Variants in PDZD8 observed in about 807,000 individuals in gnomAD.
PDZD8 encodes the protein PDZ domain-containing protein 8.
PDZD8 carries 14 observed loss-of-function variants against 85.8 expected under a neutral mutation model. The observed-to-expected ratio is 0.16, with a 90% CI of 0.11 to 0.26. The LOEUF is 0.26. PDZD8 is among the 10% of genes least tolerant of loss of function. The probability of loss-of-function intolerance (pLI) is 1.00; values close to 1 mark genes in which losing one functional copy is unlikely to be tolerated. For synonymous variants in PDZD8, 592 were observed against 568.6 expected (o/e 1.04, Z -0.59); for missense variants, 1,197 against 1,424.3 (o/e 0.84, Z 2.57).
At chr10:117,337,973 T>C (rs1844546783) in intron 2 of PDZD8, among the ~76,000 whole-genome samples, 1 of 152,196 alleles carries the variant, frequency 6.6e-6, no homozygotes, top group Admixed American at 6.5e-5. Flanking sequence ...CTAGTGCCTC[T>C]TTTTGCTTCA....
At chr10:117,350,516 G>A (rs1342994889) in intron 1 of PDZD8, among the ~76,000 whole-genome samples, 3 of 150,538 alleles carry the variant, frequency 2.0e-5, no homozygotes, top group African/African-American at 4.9e-5. Context: ...CACCTGCTTC[G>A]GCCTCCCAAA....
rs1370456091 is a variant in PDZD8, at chr10:117,281,654, T to C, written c.*1614A>G. On this transcript the variant is annotated 3_prime_UTR_variant, in exon 5 of 5. Coordinates refer to ENST00000334464, the MANE Select transcript of PDZD8 (RefSeq NM_173791.5). Reference sequence around the variant, plus strand: ...GCTATTGTTTCCCTCACAACAATACTGTGAGGGAGGTAAAGTATTATTATT... The same window carrying C: ...GCTATTGTTTCCCTCACAACAATACCGTGAGGGAGGTAAAGTATTATTATT... 1 of 152,198 alleles carries C rather than the reference T, an allele frequency of 6.6e-6. No individual in the cohort carries two copies. Among genetic ancestry groups the C allele is most frequent in the Non-Finnish European group, 1.5e-5 (1 of 68,036 alleles). The allele number at this position is 152,198 out of a possible 1,614,324, so 9.4% of individuals were successfully genotyped here.
chr10:117,330,842 C>T (rs560818270), intron 2 of PDZD8, among the ~76,000 whole-genome samples: 38 of 152,346 alleles, frequency 2.5e-4, no homozygotes, highest in African/African-American at 8.7e-4. Context: ...GAGACATCTA[C>T]ACTTCATTCA....
At chr10:117,371,342 G>A (rs1453647392) in intron 1 of PDZD8, among the ~76,000 whole-genome samples, 1 of 151,936 alleles carries the variant, frequency 6.6e-6, no homozygotes, top group Non-Finnish European at 1.5e-5. Flanking sequence ...CCGCCACCAC[G>A]CCCAGCTAAT....
In PDZD8 at chr10:117,374,992, G is replaced by T; in HGVS notation, c.236C>A (p.Thr79Asn). The T allele has an allele frequency of 6.3e-7, 1 of 1,593,186 alleles. No homozygotes were observed. Among genetic ancestry groups the T allele is most frequent in the Admixed American group, 1.7e-5 (1 of 57,254 alleles). The change falls in exon 1 of 5, where the codon ACC becomes AAC. Residue 79 changes from threonine (T) to asparagine (N), a missense_variant. Physicochemically the swap from Thr to Asn is moderately conservative, Grantham distance 65. Coordinates refer to ENST00000334464, the MANE Select transcript of PDZD8 (RefSeq NM_173791.5). This position sits in a 1 kb window ranked among gnomAD's most constrained non-coding sequence, Gnocchi z 7.8. ...GGGGGTCTCGGGGGCCGCGGTGGGG[G>T]TCGCGCCGCCCTCAGGGGCCGCTCC... ...PSGAAPEGGATPTAAPETPAP... is the reference protein window; with the variant it reads ...PSGAAPEGGANPTAAPETPAP...
rs1488395175 is a variant in PDZD8 at position 117,340,958 on chromosome 10, AAT to A, written c.995+20_995+21del. The stretch of plus-strand genomic sequence containing the variant: ...TGCACTGTTCTTCCCGTAACTTAGT[AAT>A]GACAAAACAAAGAACATACCTGCTA... On this transcript the variant is annotated intron_variant, in intron 2 of 4. Transcript: ENST00000334464. 10 of 1,613,224 alleles carry A rather than the reference AAT, an allele frequency of 6.2e-6. No homozygotes were observed. The highest frequency in any genetic ancestry group is 1.6e-4 in the Middle Eastern group (1 of 6,082).
intron 1 of PDZD8, among the ~76,000 whole-genome samples, chr10:117,351,858 T>C (rs1055213456): frequency 2.6e-5 from 4 of 152,086 alleles, no homozygotes; most frequent in Non-Finnish European, 4.4e-5. Context: ...CAGTTATTTT[T>C]TGTAGAGGTG....
chr10:117,291,176 T>A (rs1422764331), intron 3 of PDZD8, among the ~76,000 whole-genome samples: 1 of 151,784 alleles, frequency 6.6e-6, no homozygotes, highest in East Asian at 2.0e-4. Context: ...ACCCGGCCAG[T>A]GTATTCTTCA....
intron 1 of PDZD8, among the ~76,000 whole-genome samples, chr10:117,343,543 AATT>A (rs1318906006): frequency 6.6e-6 from 1 of 152,192 alleles, no homozygotes; most frequent in African/African-American, 2.4e-5. Context: ...TTTGTAAAAA[AATT>A]ATAATAACCA....
chr10:117,324,232 A>AAAAAAAAAGAC (rs1278760915), intron 2 of PDZD8, among the ~76,000 whole-genome samples: 4 of 146,094 alleles, frequency 2.7e-5, no homozygotes, highest in African/African-American at 1.1e-4. Context: ...AAAAAAAAAA[A>AAAAAAAAAGAC]AAGACAAGAG....
At chr10:117,349,116 G>A (rs1844756780) in intron 1 of PDZD8, among the ~76,000 whole-genome samples, 1 of 152,158 alleles carries the variant, frequency 6.6e-6, no homozygotes, top group Non-Finnish European at 1.5e-5. Context: ...CAAGACTGAA[G>A]AAAGTGATCC....
At position 117,374,132 on chromosome 10, in the gene PDZD8, G is replaced by C. The variant is rs900055265; in HGVS notation, c.872+224C>G. ...ATTCTGCCCGCGTTGACAGCACCCT[G>C]AGTCCCCATGAACACGCGAAAAGGT... is the stretch of plus-strand genomic sequence containing the variant. On this transcript the variant is annotated intron_variant, in intron 1 of 4. Transcript: ENST00000334464. The surrounding 1 kb of genome is among the most constrained non-coding windows in gnomAD (Gnocchi z 7.8). Among the ~76,000 whole-genome samples the C allele has an allele frequency of 1.3e-5, 2 of 152,178 alleles. No individual in the cohort carries two copies. Among genetic ancestry groups the C allele is most frequent in the Non-Finnish European group, 2.9e-5 (2 of 68,036 alleles).
chr10:117,367,401 T>TC (rs1845108985), intron 1 of PDZD8, among the ~76,000 whole-genome samples: 1 of 137,952 alleles, frequency 7.2e-6, no homozygotes, highest in South Asian at 2.4e-4. Context: ...AGAGTGAGAC[T>TC]CCGTCTCAAA....
At chr10:117,332,735 G>A (rs1036511947) in intron 2 of PDZD8, among the ~76,000 whole-genome samples, 1 of 151,366 alleles carries the variant, frequency 6.6e-6, no homozygotes, top group Non-Finnish European at 1.5e-5. Context: ...TTGAACTCCC[G>A]ACCTCAGGTG....
At chr10:117,325,832 G>A (rs904570271) in intron 2 of PDZD8, among the ~76,000 whole-genome samples, 16 of 152,188 alleles carry the variant, frequency 1.1e-4, no homozygotes, top group African/African-American at 2.9e-4. Context: ...GTTTGGCTCC[G>A]TTTCCCCACC....
intron 4 of PDZD8, among the ~76,000 whole-genome samples, chr10:117,286,473 TCTCATAA>T (rs1436807315): frequency 6.6e-6 from 1 of 152,220 alleles, no homozygotes; most frequent in African/African-American, 2.4e-5. Context: ...ACCACCCCTT[TCTCATAA>T]CTTGACTTCA....
rs868829923 is a variant in PDZD8 at position 117,341,267 on chromosome 10, G to T, written c.873-165C>A. ...CACTCCCCCATAACTGGCAGCAAAT[G>T]GTGCCTTCGCTATGGCACCCATAAG... On this transcript the variant is annotated intron_variant, in intron 1 of 4. Transcript: ENST00000334464. Among the ~76,000 whole-genome samples the T allele has an allele frequency of 3.3e-5, 5 of 152,146 alleles. No individual in the cohort carries two copies. The South Asian group carries it at 1.0e-3, about 32-fold the overall frequency.
chr10:117,285,988 T>C (rs1042424197), intron 4 of PDZD8, among the ~76,000 whole-genome samples: 5 of 152,224 alleles, frequency 3.3e-5, no homozygotes, highest in Non-Finnish European at 5.9e-5. Flanking sequence ...TACTATACTA[T>C]GAATAACGTA....
At chr10:117,349,059 T>A (rs1844755800) in intron 1 of PDZD8, among the ~76,000 whole-genome samples, 2 of 152,176 alleles carry the variant, frequency 1.3e-5, no homozygotes, top group African/African-American at 4.8e-5. Flanking sequence ...CATCCTTTTA[T>A]TAAAAAGTTA....
Sources: gnomAD v4.1 joint callset for allele counts (sites outside exome capture counted in the v4.1 genomes callset) on GRCh38, gnomAD v4.1.1 for gene constraint, Gnocchi (gnomAD v3.1) non-coding constraint, MANE v1.5 for transcripts, NCBI Gene and HGNC (gene_info 2026-07-23, HGNC 2026-07-21) for gene names.